FHAD1: variants seen among roughly 807,000 people sequenced by gnomAD.
FHAD1 encodes forkhead associated phosphopeptide binding domain 1.
A neutral mutation model predicts 191.3 loss-of-function variants in FHAD1; 146 were observed. The observed-to-expected ratio is 0.76, with a 90% CI of 0.67 to 0.88. The LOEUF is 0.88. FHAD1 is among the 40% of genes least tolerant of loss of function. The probability of loss-of-function intolerance (pLI) is 0.00; values close to 1 mark genes in which losing one functional copy is unlikely to be tolerated. For missense variants in FHAD1, 1,635 were observed against 1,785.8 expected (o/e 0.92, Z 1.52); for synonymous variants, 616 against 672.3 (o/e 0.92, Z 1.29).
chr1:15,343,391 G>A (rs746905095), intron 16 of FHAD1, among the ~76,000 whole-genome samples: 12 of 134,356 alleles, frequency 8.9e-5, no homozygotes, highest in South Asian at 2.4e-4. Flanking sequence ...CAGATCCACC[G>A]GACCCCAACT....
At chr1:15,281,233 T>A (rs1398040053) in intron 3 of FHAD1, among the ~76,000 whole-genome samples, 3 of 152,200 alleles carry the variant, frequency 2.0e-5, no homozygotes, top group African/African-American at 7.2e-5. Flanking sequence ...CAGTTCCTGC[T>A]CTCTGCTGGG....
Position 15,329,927 on chromosome 1 carries a change from C to T in FHAD1, c.1906+386C>T, listed in dbSNP as rs749987719. 4.2e-4 allele frequency: 91 copies of T among 216,270 alleles called. No homozygotes were observed. The highest frequency in any genetic ancestry group is 2.8e-4 in the Non-Finnish European group (30 of 105,296). 13.4% of individuals were successfully genotyped at this position (216,270 alleles called of 1,614,324 possible). On this transcript the variant is annotated intron_variant, in intron 14 of 33. Coordinates refer to ENST00000688493, the MANE Select transcript of FHAD1 (RefSeq NM_001391957.1). The surrounding 1 kb of genome is among the most constrained non-coding windows in gnomAD (Gnocchi z 5.0). The stretch of plus-strand genomic sequence containing the variant: ...GTAAAATGAGGCTAATAGGGAGTAC[C>T]CACCCTTTAGGGCTGTTGTGATCAT...
chr1:15,326,881 T>G, intron 11 of FHAD1, 178 bp from the exon 12 acceptor site: 1 of 581,492 alleles, frequency 1.7e-6, no homozygotes, highest in African/African-American at 1.9e-5. Flanking sequence ...TGCTGTTCTC[T>G]TTTCTTCTGT....
rs182785952 is a variant in FHAD1, at chr1:15,351,500, C to G, written c.2455-1377C>G. ...CCTTCCTGGTGCTGTGACCTTGGAA[C>G]ACTGCTTGTCTTTATACTGCCTCGG... On this transcript the variant is annotated intron_variant, in intron 19 of 33. Coordinates refer to ENST00000688493, the MANE Select transcript of FHAD1 (RefSeq NM_001391957.1). Among the ~76,000 whole-genome samples the G allele has an allele frequency of 1.9e-3, 295 of 152,280 alleles. 2 individuals carry two copies. Among genetic ancestry groups the G allele is most frequent in the Middle Eastern group, 6.8e-3 (2 of 294 alleles).
intron 4 of FHAD1, among the ~76,000 whole-genome samples, chr1:15,290,169 A>T (rs900539149): frequency 2.6e-5 from 4 of 152,154 alleles, no homozygotes; most frequent in Admixed American, 2.6e-4. Context: ...TTTCAGTCCC[A>T]TTTAAAGGCT....
chr1:15,309,443 G>A (rs1431244574), intron 7 of FHAD1, among the ~76,000 whole-genome samples: 1 of 152,166 alleles, frequency 6.6e-6, no homozygotes, highest in Non-Finnish European at 1.5e-5. Context: ...ACAATAAGAA[G>A]TAAAAAGATA....
intron 4 of FHAD1, among the ~76,000 whole-genome samples, chr1:15,291,109 CT>C (rs61398861): frequency 0.21 from 28,491 of 134,194 alleles, 3,049 homozygotes; most frequent in Non-Finnish European, 0.28. Flanking sequence ...TTACTATACT[CT>C]TTTTTTTTTT....
Position 15,276,035 on chromosome 1 carries a change from G to A in FHAD1, c.300+3506G>A, listed in dbSNP as rs1658244395. On this transcript the variant is annotated intron_variant, in intron 3 of 33. Transcript: ENST00000688493. The surrounding 1 kb of genome is among the most constrained non-coding windows in gnomAD (Gnocchi z 4.7). ...AGGCAGAAGTTAGAGACCCAAATGT[G>A]TTTGTAGACATCACAGTGGCTAGCG... Among the ~76,000 whole-genome samples, 2 of 152,182 alleles carry A rather than the reference G, an allele frequency of 1.3e-5. No individual in the cohort carries two copies. Among genetic ancestry groups the A allele is most frequent in the South Asian group, 4.1e-4 (2 of 4,830 alleles).
At chr1:15,338,369 C>A (rs554800110) in intron 14 of FHAD1, among the ~76,000 whole-genome samples, 4 of 152,312 alleles carry the variant, frequency 2.6e-5, no homozygotes, top group Non-Finnish European at 4.4e-5. Context: ...CCTCCATCTT[C>A]AAAGCCAGCG....
In FHAD1 at chr1:15,274,560, C is replaced by T. The variant is rs548622451; in HGVS notation, c.300+2031C>T. 2.6e-3 allele frequency among the ~76,000 whole-genome samples: 390 copies of T among 151,702 alleles called. 3 individuals are homozygous for T. Among genetic ancestry groups the T allele is most frequent in the African/African-American group, 8.3e-3 (343 of 41,350 alleles). On this transcript the variant is annotated intron_variant, in intron 3 of 33. Coordinates refer to ENST00000688493, the MANE Select transcript of FHAD1 (RefSeq NM_001391957.1). ...CCAGGAGGTGGAGGTTGCCGTGAGC[C>T]GAGATCATGCCACTGCACTCCAGCC...
chr1:15,297,774 C>T (rs769109755), intron 5 of FHAD1, among the ~76,000 whole-genome samples: 8 of 152,152 alleles, frequency 5.3e-5, no homozygotes, highest in South Asian at 2.1e-4. Flanking sequence ...TCTGGGACCT[C>T]GGTTGGGACA....
At chr1:15,355,751 A>G (rs898699497) in intron 20 of FHAD1, among the ~76,000 whole-genome samples, 1 of 152,202 alleles carries the variant, frequency 6.6e-6, no homozygotes, top group Non-Finnish European at 1.5e-5. Flanking sequence ...CCCAACAGTA[A>G]CAGCAAGGTT....
At position 15,272,425 on chromosome 1, in the gene FHAD1, G is replaced by A. The variant is rs890358230; in HGVS notation, c.196G>A (p.Glu66Lys). 5.2e-6 allele frequency: 8 copies of A among 1,551,684 alleles called. No homozygotes were observed. The highest frequency in any genetic ancestry group is 4.9e-5 in the East Asian group (2 of 40,916). Residue 66 changes from glutamate to lysine, a missense_variant, in exon 3 of 34, where the codon GAG (glutamate) becomes AAG (lysine). By Grantham distance (56) the Glu-to-Lys change is moderately conservative (BLOSUM62 1). Coordinates refer to ENST00000688493, the MANE Select transcript of FHAD1 (RefSeq NM_001391957.1). Reference protein sequence around the residue: ...FNSRNGTFVNECHIQNVAVKL... With the variant: ...FNSRNGTFVNKCHIQNVAVKL... ...TTCCCGCAACGGCACGTTTGTCAAC[G>A]AGTGCCACATTCAAAACGTGGCTGT...
chr1:15,295,609 C>T, intron 4 of FHAD1, among the ~76,000 whole-genome samples: 1 of 151,928 alleles, frequency 6.6e-6, no homozygotes, highest in East Asian at 1.9e-4. Context: ...CCCTGTCTGT[C>T]TGTGTGTGTG....
intron 28 of FHAD1, among the ~76,000 whole-genome samples, chr1:15,378,799 C>A (rs552489017): frequency 6.6e-6 from 1 of 151,910 alleles, no homozygotes; most frequent in Non-Finnish European, 1.5e-5. Flanking sequence ...CAGTATAGAG[C>A]CGGTAAATGC....
chr1:15,306,985 C>T (rs554325043), intron 6 of FHAD1, among the ~76,000 whole-genome samples: 25 of 152,310 alleles, frequency 1.6e-4, no homozygotes, highest in Admixed American at 1.2e-3. Flanking sequence ...TGGCTTGAAT[C>T]GTACTCCTGG....
intron 33 of FHAD1, among the ~76,000 whole-genome samples, chr1:15,394,447 T>G (rs1705250094): frequency 6.6e-6 from 1 of 152,158 alleles, no homozygotes; most frequent in Admixed American, 6.5e-5. Context: ...TTGCTGTCTG[T>G]TTTCTTTTTC....
At chr1:15,322,874 A>G (rs2101645327) in intron 10 of FHAD1, among the ~76,000 whole-genome samples, 1 of 152,308 alleles carries the variant, frequency 6.6e-6, no homozygotes, top group South Asian at 2.1e-4. Flanking sequence ...ACACACCCGA[A>G]ACTGGGAAGA....
At chr1:15,266,168 G>A (rs1488163176) in intron 2 of FHAD1, among the ~76,000 whole-genome samples, 1 of 151,980 alleles carries the variant, frequency 6.6e-6, no homozygotes, top group Non-Finnish European at 1.5e-5. Context: ...GGAGTGTGGT[G>A]GTGCCATCAT....
Sources: allele counts gnomAD v4.1 joint callset (sites outside exome capture counted in the v4.1 genomes callset), GRCh38; gene constraint gnomAD v4.1.1; non-coding constraint Gnocchi (gnomAD v3.1); transcripts MANE v1.5; gene names NCBI Gene and HGNC (gene_info 2026-07-23, HGNC 2026-07-21).